The following CSMD1 variants were observed in gnomAD, a reference collection of about 807,000 sequenced individuals.
CSMD1 encodes the protein CUB and sushi domain-containing protein 1.
In CSMD1, 213 loss-of-function variants were observed where a neutral mutation model predicts 417.5. The observed-to-expected ratio is 0.51, with a 90% CI of 0.46 to 0.57. The LOEUF is 0.57. CSMD1 is among the 20% of genes least tolerant of loss of function. The pLI is 0.00. For missense variants in CSMD1, 6,923 were observed against 4,529.7 expected (o/e 1.53, Z -15.17); for synonymous variants, 2,862 against 1,736.8 (o/e 1.65, Z -16.11).
At chr8:3,856,712 T>C (rs1804340464) in intron 5 of CSMD1, among the ~76,000 whole-genome samples, 2 of 152,192 alleles carry the variant, frequency 1.3e-5, no homozygotes, top group African/African-American at 4.8e-5. Flanking sequence ...TAGGGTATGC[T>C]GTTTCCTCAA....
At chr8:4,461,463 T>G (rs1299931147) in intron 2 of CSMD1, among the ~76,000 whole-genome samples, 4 of 148,036 alleles carry the variant, frequency 2.7e-5, no homozygotes, top group African/African-American at 5.0e-5. Context: ...ATCTTAGATA[T>G]CCATTAAAAA....
intron 11 of CSMD1, among the ~76,000 whole-genome samples, chr8:3,479,032 C>T (rs1036161914): frequency 6.6e-6 from 1 of 151,974 alleles, no homozygotes; most frequent in Non-Finnish European, 1.5e-5. Flanking sequence ...CCCATGCACT[C>T]CAAGCCTGGG....
chr8:4,489,680 T>G (rs927234328), intron 2 of CSMD1, among the ~76,000 whole-genome samples: 7 of 152,190 alleles, frequency 4.6e-5, no homozygotes, highest in Non-Finnish European at 5.9e-5. Context: ...CACCTATGTT[T>G]GATCTGGCAG....
chr8:4,318,041 A>G (rs1443060126), intron 3 of CSMD1, among the ~76,000 whole-genome samples: 2 of 152,166 alleles, frequency 1.3e-5, no homozygotes, highest in Admixed American at 1.3e-4. Flanking sequence ...GCAATATATA[A>G]AATTGTGCGT....
At chr8:4,609,503 CTA>C (rs1419094669) in intron 2 of CSMD1, among the ~76,000 whole-genome samples, 1 of 152,178 alleles carries the variant, frequency 6.6e-6, no homozygotes, top group Non-Finnish European at 1.5e-5. Flanking sequence ...CAATAACTCA[CTA>C]ATTAGCTATT....
At chr8:4,323,447 A>T (rs1349144619) in intron 3 of CSMD1, among the ~76,000 whole-genome samples, 1 of 151,682 alleles carries the variant, frequency 6.6e-6, no homozygotes, top group Admixed American at 6.6e-5. Context: ...GATTCAAAGT[A>T]ACCATTCACA....
chr8:2,954,293 A>C (rs1292084709), intron 64 of CSMD1, 25 bp from the exon 65 acceptor site: 3 of 1,319,422 alleles, frequency 2.3e-6, no homozygotes, highest in Non-Finnish European at 1.0e-6. Flanking sequence ...ACAAATTATC[A>C]TTTTAAAAAA....
chr8:4,342,734 T>C (rs372757490), intron 3 of CSMD1, among the ~76,000 whole-genome samples: 5 of 152,162 alleles, frequency 3.3e-5, no homozygotes, highest in Admixed American at 6.6e-5. Flanking sequence ...CATTCCGCAG[T>C]AGACAGGCTT....
In CSMD1 at chr8:4,583,049, G is replaced by A. The variant is rs186852904; in HGVS notation, c.302+54293C>T. 4.9e-3 allele frequency among the ~76,000 whole-genome samples: 739 copies of A among 152,306 alleles called. 6 individuals carry two copies. Among genetic ancestry groups the A allele is most frequent in the Non-Finnish European group, 8.1e-3 (549 of 68,018 alleles). ...CGCTGTGCTCGACTTCTCACCCGGC[G>A]TTAGCTGCCTTCCCGCGGGGCAGGG... On this transcript the variant is annotated intron_variant, in intron 2 of 69. Coordinates refer to ENST00000635120, the MANE Select transcript of CSMD1 (RefSeq NM_033225.6).
intron 1 of CSMD1, among the ~76,000 whole-genome samples, chr8:4,856,578 A>T (rs1005150576): frequency 7.0e-6 from 1 of 142,342 alleles, no homozygotes; most frequent in African/African-American, 2.8e-5. Context: ...AAGATCTACC[A>T]AGCCAATGGA....
At chr8:3,163,688 G>T (rs530110932) in intron 37 of CSMD1, among the ~76,000 whole-genome samples, 6 of 151,864 alleles carry the variant, frequency 4.0e-5, no homozygotes, top group African/African-American at 1.5e-4. Flanking sequence ...CACCAAGCAC[G>T]AGACCCAGTG....
intron 3 of CSMD1, among the ~76,000 whole-genome samples, chr8:4,067,909 T>G (rs1297105502): frequency 1.3e-5 from 2 of 151,908 alleles, no homozygotes; most frequent in Non-Finnish European, 2.9e-5. Flanking sequence ...AAACCCCAAC[T>G]CTACTAAAAA....
At chr8:3,673,073 T>G (rs1390624566) in intron 7 of CSMD1, among the ~76,000 whole-genome samples, 3 of 152,324 alleles carry the variant, frequency 2.0e-5, no homozygotes, top group African/African-American at 4.8e-5. Context: ...TGATATACTG[T>G]AAATGTTCAA....
intron 3 of CSMD1, among the ~76,000 whole-genome samples, chr8:4,400,475 ATTC>A (rs1340532694): frequency 1.3e-5 from 2 of 152,306 alleles, no homozygotes; most frequent in African/African-American, 4.8e-5. Flanking sequence ...CTCCACGCAA[ATTC>A]TTGTGTTCAG....
intron 7 of CSMD1, among the ~76,000 whole-genome samples, chr8:3,644,512 G>C (rs1419986129): frequency 6.6e-6 from 1 of 152,214 alleles, no homozygotes; most frequent in Non-Finnish European, 1.5e-5. Flanking sequence ...GCAAAAAGAA[G>C]ATGGGGAAGA....
At chr8:3,392,371 T>C (rs1305688068) in intron 17 of CSMD1, among the ~76,000 whole-genome samples, 1 of 152,130 alleles carries the variant, frequency 6.6e-6, no homozygotes, top group Non-Finnish European at 1.5e-5. Context: ...GTGTAATCAT[T>C]TTCTAGTGCC....
At chr8:4,163,381 C>A (rs1398907001) in intron 3 of CSMD1, among the ~76,000 whole-genome samples, 1 of 152,202 alleles carries the variant, frequency 6.6e-6, no homozygotes, top group Non-Finnish European at 1.5e-5. Context: ...TACTCCATAT[C>A]CAAGACAGCA....
At chr8:4,816,041 C>T (rs1245949118) in intron 1 of CSMD1, among the ~76,000 whole-genome samples, 1 of 152,076 alleles carries the variant, frequency 6.6e-6, no homozygotes, top group Non-Finnish European at 1.5e-5. Context: ...AGAGGCTTAC[C>T]AGGTGCACAG....
chr8:4,142,461 T>C (rs1347230915), intron 3 of CSMD1, among the ~76,000 whole-genome samples: 1 of 151,260 alleles, frequency 6.6e-6, no homozygotes, highest in African/African-American at 2.5e-5. Flanking sequence ...CCTCTGAGAA[T>C]AATCTACCTT....
Sources: gnomAD v4.1 joint callset for allele counts (sites outside exome capture counted in the v4.1 genomes callset) on GRCh38, gnomAD v4.1.1 for gene constraint, MANE v1.5 for transcripts, NCBI Gene and HGNC (gene_info 2026-07-23, HGNC 2026-07-21) for gene names.